DCTN5: variants seen among roughly 807,000 people sequenced by gnomAD.
DCTN5 encodes dynactin 4.
DCTN5 carries 14 observed loss-of-function variants against 23.5 expected under a neutral mutation model. That is an observed-to-expected ratio of 0.60 (90% CI 0.39 to 0.93). The LOEUF is 0.93. Among genes scored for constraint, DCTN5 ranks in the 40% least tolerant of loss-of-function variants. DCTN5 has a pLI of 0.00. For synonymous variants in DCTN5, 67 were observed against 79.6 expected, an observed-to-expected ratio of 0.84 and a Z score of 0.84; for missense variants, 156 against 225.9, an observed-to-expected ratio of 0.69 and a Z score of 1.98.
intron 3 of DCTN5, among the ~76,000 whole-genome samples, 189 bp downstream of exon 3, chr16:23,658,814 G>A (rs1967759507): frequency 6.6e-6 from 1 of 152,182 alleles, no homozygotes; most frequent in South Asian, 2.1e-4. Flanking sequence ...GCTACAAACA[G>A]AATCCGCTTA....
At chr16:23,652,866 G>T (rs1185245758) in intron 2 of DCTN5, among the ~76,000 whole-genome samples, 1 of 152,166 alleles carries the variant, frequency 6.6e-6, no homozygotes, top group Non-Finnish European at 1.5e-5. Flanking sequence ...GTTTTGGCTG[G>T]ACGTGGTGGC....
At chr16:23,645,113 A>T (rs1195027417) in intron 2 of DCTN5, among the ~76,000 whole-genome samples, 2 of 35,714 alleles carry the variant, frequency 5.6e-5, no homozygotes, top group Non-Finnish European at 1.1e-4. Flanking sequence ...ATATATATAT[A>T]TATATATATA....
chr16:23,662,615 C>CA lies in DCTN5; in HGVS notation c.348+1340dup, dbSNP rs1555464228. ...GGATAAGACTCAGACCCTGAAATATCAAAAAACTTGCAGAAACCAAACAGT... is the reference window on the plus strand; with the variant it reads ...GGATAAGACTCAGACCCTGAAATATCAAAAAAACTTGCAGAAACCAAACAGT... On this transcript the variant is annotated intron_variant, in intron 4 of 5. Transcript: ENST00000300087. 9.9e-5 allele frequency among the ~76,000 whole-genome samples: 15 copies of CA among 152,238 alleles called. No homozygotes were observed. The East Asian group carries it at 1.2e-3, about 12-fold the overall frequency.
intron 4 of DCTN5, among the ~76,000 whole-genome samples, chr16:23,662,522 C>G (rs755410799): frequency 1.3e-5 from 2 of 152,174 alleles, no homozygotes; most frequent in Non-Finnish European, 2.9e-5. Context: ...AGACTAGATT[C>G]TAGGAAAAGC....
rs1959226459 is a variant in DCTN5 at position 23,676,459 on chromosome 16, A to C, written c.*9315A>C. The stretch of plus-strand genomic sequence containing the variant: ...GTAGTCCCAGCTACTCGGGAGGCTG[A>C]GGCAGGAGAATCGCTTGAACCCAGG... On this transcript the variant is annotated 3_prime_UTR_variant, in exon 6 of 6. Coordinates refer to ENST00000300087, the MANE Select transcript of DCTN5 (RefSeq NM_032486.4). 2 of 152,422 alleles carry C rather than the reference A, an allele frequency of 1.3e-5. No homozygotes were observed. Among genetic ancestry groups the C allele is most frequent in the African/African-American group, 2.4e-5 (1 of 41,446 alleles). 9.4% of individuals were successfully genotyped at this position (152,422 alleles called of 1,614,324 possible).
At chr16:23,642,708 A>T in intron 1 of DCTN5, 1 of 456,792 alleles carries the variant, frequency 2.2e-6, no homozygotes, top group East Asian at 3.9e-5. Flanking sequence ...GCTGGTCTTG[A>T]GCTCCTGTCC....
chr16:23,648,810 G>A (rs756478597), intron 2 of DCTN5, among the ~76,000 whole-genome samples: 10 of 152,054 alleles, frequency 6.6e-5, no homozygotes, highest in Non-Finnish European at 1.3e-4. Flanking sequence ...GCGGTGAAGT[G>A]GTACCTCATT....
At position 23,655,523 on chromosome 16, in the gene DCTN5, G is replaced by A. The variant is rs557841589; in HGVS notation, c.118-2984G>A. ...CTGGTGTAGCTGGGACTATAGGCAC[G>A]TGCCACCATGCCCTGCTTAATTTTT... On this transcript the variant is annotated intron_variant, in intron 2 of 5. Transcript: ENST00000300087. Among the ~76,000 whole-genome samples the A allele has an allele frequency of 7.9e-5, 12 of 151,696 alleles. No individual in the cohort carries two copies. In the South Asian group the frequency reaches 1.9e-3, roughly 24 times the overall value.
At chr16:23,660,474 G>C (rs1161857455) in intron 3 of DCTN5, among the ~76,000 whole-genome samples, 1 of 152,228 alleles carries the variant, frequency 6.6e-6, no homozygotes, top group Non-Finnish European at 1.5e-5. Flanking sequence ...AATGATGTCA[G>C]ATATCTGGAG....
At chr16:23,657,362 G>A (rs1057130207) in intron 2 of DCTN5, 8 of 301,752 alleles carry the variant, frequency 2.7e-5, no homozygotes, top group African/African-American at 9.3e-5. Context: ...AGGCTTAGGC[G>A]GGAGGATCCC....
intron 5 of DCTN5, chr16:23,666,822 AGAG>A: frequency 1.7e-6 from 1 of 590,012 alleles, no homozygotes; most frequent in Admixed American, 3.3e-5. Context: ...CTGCTTTTGC[AGAG>A]GAGGAAGGAG....
chr16:23,663,731 A>G (rs1481128945), intron 4 of DCTN5, among the ~76,000 whole-genome samples: 2 of 151,858 alleles, frequency 1.3e-5, no homozygotes, highest in Non-Finnish European at 2.9e-5. Context: ...ACCAAAAAAA[A>G]AAGAAGTTTC....
intron 2 of DCTN5, among the ~76,000 whole-genome samples, chr16:23,655,794 A>G (rs1042891790): frequency 6.6e-6 from 1 of 152,116 alleles, no homozygotes; most frequent in Non-Finnish European, 1.5e-5. Context: ...GTCCTCCTGC[A>G]TCAGCCTCCC....
rs1968066318 is a variant in DCTN5, at chr16:23,675,007, A to T, written c.*7863A>T. 1 of 152,196 alleles carries T rather than the reference A, an allele frequency of 6.6e-6. No individual in the cohort carries two copies. Among genetic ancestry groups the T allele is most frequent in the South Asian group, 2.1e-4 (1 of 4,824 alleles). 9.4% of individuals were successfully genotyped at this position (152,196 alleles called of 1,614,324 possible). On this transcript the variant is annotated 3_prime_UTR_variant, in exon 6 of 6. Transcript: ENST00000300087. ...GATTAGGGCCCATCCTAACAATCCC[A>T]TTTTAACTTAGTTACCTCTTCAGGG... is the stretch of plus-strand genomic sequence containing the variant.
At chr16:23,648,350 T>TTC in intron 2 of DCTN5, among the ~76,000 whole-genome samples, 1 of 144,566 alleles carries the variant, frequency 6.9e-6, no homozygotes, top group African/African-American at 2.6e-5. Flanking sequence ...TTTTCTTTTT[T>TTC]TTTTTTTTTT....
intron 2 of DCTN5, among the ~76,000 whole-genome samples, chr16:23,657,273 T>C (rs1046168960): frequency 6.6e-6 from 1 of 152,110 alleles, no homozygotes; most frequent in African/African-American, 2.4e-5. Context: ...GTGGGCAACA[T>C]AGTGAGACTC....
intron 2 of DCTN5, among the ~76,000 whole-genome samples, chr16:23,658,118 A>G (rs1967743733): frequency 6.6e-6 from 1 of 152,222 alleles, no homozygotes; most frequent in Non-Finnish European, 1.5e-5. Context: ...GTGTAGTGTT[A>G]AGAAAGAAGA....
intron 2 of DCTN5, among the ~76,000 whole-genome samples, chr16:23,644,730 C>T (rs962017835): frequency 2.6e-5 from 4 of 151,826 alleles, no homozygotes; most frequent in African/African-American, 9.7e-5. Flanking sequence ...GCCACCACGC[C>T]CAGCCCAAGA....
intron 2 of DCTN5, among the ~76,000 whole-genome samples, chr16:23,650,460 C>T (rs1030731943): frequency 6.6e-6 from 1 of 151,630 alleles, no homozygotes; most frequent in African/African-American, 2.4e-5. Context: ...ACCACCTCTT[C>T]CTCCCACCAC....
Sources: gnomAD v4.1 joint callset for allele counts (sites outside exome capture counted in the v4.1 genomes callset) on GRCh38, gnomAD v4.1.1 for gene constraint, MANE v1.5 for transcripts, NCBI Gene and HGNC (gene_info 2026-07-23, HGNC 2026-07-21) for gene names.